Variants in TAOK3 observed in about 807,000 individuals in gnomAD.
The protein encoded by TAOK3 is TAO kinase 3, also known as serine/threonine-protein kinase TAO3.
TAOK3 carries 40 observed loss-of-function variants against 120.4 expected under a neutral mutation model. The observed-to-expected ratio is 0.33, with a 90% CI of 0.26 to 0.43. TAOK3 has a LOEUF of 0.43. Ranked by LOEUF, TAOK3 falls within the 20% of genes least tolerant of loss-of-function variation. TAOK3 has a pLI of 1.00. For synonymous variants in TAOK3, 355 were observed against 387.5 expected (o/e 0.92, Z 0.99); for missense variants, 821 against 1,112.1 (o/e 0.74, Z 3.72).
At chr12:118,320,244 A>G (rs1015080883) in intron 1 of TAOK3, among the ~76,000 whole-genome samples, 3 of 152,098 alleles carry the variant, frequency 2.0e-5, no homozygotes, top group Non-Finnish European at 4.4e-5. Context: ...TGGGATGATG[A>G]AAAAGTTCTG....
At chr12:118,288,243 G>C (rs917687799) in intron 1 of TAOK3, among the ~76,000 whole-genome samples, 3 of 151,854 alleles carry the variant, frequency 2.0e-5, no homozygotes, top group African/African-American at 7.3e-5. Flanking sequence ...CCGGGAAAAG[G>C]TCTGCTCAGG....
intron 11 of TAOK3, among the ~76,000 whole-genome samples, chr12:118,210,559 A>G (rs2038569107): frequency 6.6e-6 from 1 of 152,034 alleles, no homozygotes; most frequent in African/African-American, 2.4e-5. Context: ...TGATCAATGA[A>G]GATCAGTTTC....
intron 3 of TAOK3, among the ~76,000 whole-genome samples, chr12:118,247,999 A>G (rs182620429): frequency 9.8e-5 from 15 of 152,318 alleles, no homozygotes; most frequent in Non-Finnish European, 1.8e-4. Context: ...GAAGTAAAAG[A>G]TTGGAATTCA....
chr12:118,274,021 C>T (rs2041818890), intron 1 of TAOK3, among the ~76,000 whole-genome samples: 1 of 151,972 alleles, frequency 6.6e-6, no homozygotes, highest in African/African-American at 2.4e-5. Context: ...TATATAGTAT[C>T]TTTTTCGAAG....
chr12:118,266,723 C>T lies in TAOK3; in HGVS notation c.-157G>A, dbSNP rs2041464067. On this transcript the variant is annotated 5_prime_UTR_variant, in exon 2 of 21. Coordinates refer to ENST00000392533, the MANE Select transcript of TAOK3 (RefSeq NM_016281.4). ...TTTTAGCAGCAAACTTCTCTTTTCT[C>T]TTTTATAACTTCAGTCCTTTGTATT... 2 of 397,718 alleles carry T rather than the reference C, an allele frequency of 5.0e-6. No homozygotes were observed. Among genetic ancestry groups the T allele is most frequent in the African/African-American group, 2.1e-5 (1 of 48,588 alleles). 24.6% of individuals were successfully genotyped at this position (397,718 alleles called of 1,614,324 possible).
At chr12:118,216,212 T>C (rs1290964798) in intron 9 of TAOK3, among the ~76,000 whole-genome samples, 1 of 152,020 alleles carries the variant, frequency 6.6e-6, no homozygotes, top group Non-Finnish European at 1.5e-5. Context: ...AGGCTGGTCT[T>C]GAACTTGTGG....
intron 7 of TAOK3, chr12:118,236,289 C>T (rs1045176114): frequency 1.3e-5 from 2 of 151,998 alleles, no homozygotes; most frequent in Non-Finnish European, 2.9e-5. Flanking sequence ...AAAAAGAAGA[C>T]CCTGAAAGAT....
intron 17 of TAOK3, among the ~76,000 whole-genome samples, chr12:118,169,753 C>G (rs2035878433): frequency 6.6e-6 from 1 of 151,840 alleles, no homozygotes; most frequent in African/African-American, 2.4e-5. Flanking sequence ...CGGAGTCTCC[C>G]TCTGTCACCC....
intron 17 of TAOK3, among the ~76,000 whole-genome samples, chr12:118,166,494 C>T (rs543565502): frequency 2.7e-5 from 4 of 150,618 alleles, no homozygotes; most frequent in Admixed American, 1.3e-4. Flanking sequence ...GCTGAGACTG[C>T]GCCATTGCAT....
Position 118,350,775 on chromosome 12 carries a change from G to A in TAOK3, c.-194+21873C>T, listed in dbSNP as rs150372227. ...CTCGGGAGGCTGAGGCAGGAGAATC[G>A]CTTGAACCTGGGAGGTGGAGGTTGC... On this transcript the variant is annotated intron_variant, in intron 1 of 20. Coordinates refer to ENST00000392533, the MANE Select transcript of TAOK3 (RefSeq NM_016281.4). Among the ~76,000 whole-genome samples the A allele has an allele frequency of 1.7e-4, 26 of 149,800 alleles. No homozygotes were observed. The East Asian group carries it at 2.0e-3, about 11-fold the overall frequency.
At chr12:118,181,850 C>T (rs1391112193) in intron 14 of TAOK3, among the ~76,000 whole-genome samples, 1 of 152,186 alleles carries the variant, frequency 6.6e-6, no homozygotes, top group Non-Finnish European at 1.5e-5. Flanking sequence ...TAGGTGATAA[C>T]ATCTTAGTTT....
intron 14 of TAOK3, among the ~76,000 whole-genome samples, chr12:118,182,965 T>A (rs1354270106): frequency 6.6e-6 from 1 of 152,128 alleles, no homozygotes; most frequent in Admixed American, 6.5e-5. Flanking sequence ...TCTTTTGTGA[T>A]TTTTCCAGTC....
At chr12:118,199,346 C>G in intron 12 of TAOK3, 89 bp from the exon 13 acceptor site, 1 of 1,064,528 alleles carries the variant, frequency 9.4e-7, no homozygotes, top group Non-Finnish European at 1.4e-6. Context: ...CTCAATTTTG[C>G]AGTGTCAAGT....
At chr12:118,168,772 T>G (rs757477706) in intron 17 of TAOK3, among the ~76,000 whole-genome samples, 1 of 152,174 alleles carries the variant, frequency 6.6e-6, no homozygotes, top group Non-Finnish European at 1.5e-5. Context: ...TTCTGTAACT[T>G]TTATTGACAT....
At position 118,152,424 on chromosome 12, in the gene TAOK3, G is replaced by T; in HGVS notation, c.2353-15C>A. The T allele has an allele frequency of 6.2e-7, 1 of 1,603,056 alleles. No homozygotes were observed. ...TCTAGCCGTAACTGCGGACACAGAA[G>T]ACACACACGGTCATGCACCCTTGCC... On this transcript the variant is annotated splice_polypyrimidine_tract_variant and intron_variant, in intron 19 of 20. Transcript: ENST00000392533.
At chr12:118,293,181 T>C (rs1048599118) in intron 1 of TAOK3, among the ~76,000 whole-genome samples, 2 of 152,234 alleles carry the variant, frequency 1.3e-5, no homozygotes, top group Non-Finnish European at 2.9e-5. Flanking sequence ...CCAGCTAATA[T>C]ACAAGTCAAC....
chr12:118,163,808 T>C (rs2138448514), intron 17 of TAOK3, among the ~76,000 whole-genome samples: 1 of 152,070 alleles, frequency 6.6e-6, no homozygotes, highest in East Asian at 2.0e-4. Flanking sequence ...GCCTCCCAGG[T>C]TCAAGCAATT....
chr12:118,226,245 G>A (rs2039500544), intron 9 of TAOK3, among the ~76,000 whole-genome samples: 2 of 152,068 alleles, frequency 1.3e-5, no homozygotes, highest in Non-Finnish European at 1.5e-5. Context: ...GCGTGGTGGC[G>A]GGCACCTGTA....
At chr12:118,366,927 T>G (rs1416371476) in intron 1 of TAOK3, among the ~76,000 whole-genome samples, 3 of 152,160 alleles carry the variant, frequency 2.0e-5, no homozygotes, top group African/African-American at 7.2e-5. Flanking sequence ...CCATCTCTAC[T>G]AAAATTACCA....
Sources: gnomAD v4.1 joint callset for allele counts (sites outside exome capture counted in the v4.1 genomes callset) on GRCh38, gnomAD v4.1.1 for gene constraint, MANE v1.5 for transcripts, NCBI Gene and HGNC (gene_info 2026-07-23, HGNC 2026-07-21) for gene names.